NRXN1: variants seen among roughly 807,000 people sequenced by gnomAD.
NRXN1 encodes neurexin-1.
Under a neutral mutation model 150.9 loss-of-function variants are expected in NRXN1, and 39 were observed. The ratio of observed to expected loss-of-function variants is 0.26; its 90% CI spans 0.20 to 0.34. The LOEUF is 0.34. Among genes scored for constraint, NRXN1 ranks in the 10% least tolerant of loss-of-function variants. The pLI, the probability that NRXN1 is intolerant of heterozygous loss-of-function variation, is 1.00. For missense variants in NRXN1, 1,815 were observed against 1,949.9 expected, an observed-to-expected ratio of 0.93 and a Z score of 1.30; for synonymous variants, 924 against 757.0, an observed-to-expected ratio of 1.22 and a Z score of -3.62.
chr2:51,014,252 C>T (rs1445699577), intron 2 of NRXN1, among the ~76,000 whole-genome samples: 3 of 151,882 alleles, frequency 2.0e-5, no homozygotes, highest in Non-Finnish European at 4.4e-5. Context: ...ATAAACAGAG[C>T]GGGGGCTATT....
chr2:50,852,435 T>C (rs1674653570), intron 5 of NRXN1, among the ~76,000 whole-genome samples: 2 of 152,176 alleles, frequency 1.3e-5, no homozygotes, highest in South Asian at 4.1e-4. Flanking sequence ...CAAAAAATAG[T>C]TTTTTAAAGT....
At chr2:50,369,787 T>C (rs2079876737) in intron 17 of NRXN1, among the ~76,000 whole-genome samples, 1 of 151,966 alleles carries the variant, frequency 6.6e-6, no homozygotes, top group South Asian at 2.1e-4. Context: ...CCCATTTCTG[T>C]GAACTCTGAT....
intron 8 of NRXN1, among the ~76,000 whole-genome samples, chr2:50,579,153 G>A (rs758345163): frequency 1.2e-4 from 18 of 152,160 alleles, no homozygotes; most frequent in Non-Finnish European, 2.2e-4. Flanking sequence ...GAAATGAGGC[G>A]TCTTGTTTTG....
intron 18 of NRXN1, among the ~76,000 whole-genome samples, chr2:50,145,612 C>T (rs1188971581): frequency 6.6e-6 from 1 of 151,552 alleles, no homozygotes; most frequent in South Asian, 2.1e-4. Flanking sequence ...GAAGAGATTC[C>T]TTATTTTTTA....
At chr2:50,104,615 C>CT (rs1466399220) in intron 18 of NRXN1, among the ~76,000 whole-genome samples, 1 of 151,994 alleles carries the variant, frequency 6.6e-6, no homozygotes, top group East Asian at 1.9e-4. Context: ...CTTCTAAGCA[C>CT]TTTACAGGCA....
At chr2:50,621,020 G>GA (rs1679916089) in intron 7 of NRXN1, 1 of 522,618 alleles carries the variant, frequency 1.9e-6, no homozygotes, top group South Asian at 3.7e-5. Context: ...AGGTGAGTTG[G>GA]AAAACAGAAG....
chr2:50,954,861 T>G (rs1692012171), intron 2 of NRXN1, among the ~76,000 whole-genome samples: 1 of 152,196 alleles, frequency 6.6e-6, no homozygotes, highest in Non-Finnish European at 1.5e-5. Context: ...GACTTGATGG[T>G]ATCACCAACT....
At chr2:50,946,370 T>C (rs965358555) in intron 2 of NRXN1, among the ~76,000 whole-genome samples, 1 of 152,180 alleles carries the variant, frequency 6.6e-6, no homozygotes, top group Non-Finnish European at 1.5e-5. Context: ...GATGCTAAGA[T>C]GTCCTGCATA....
At chr2:50,295,633 T>C (rs1484571374) in intron 17 of NRXN1, among the ~76,000 whole-genome samples, 1 of 152,238 alleles carries the variant, frequency 6.6e-6, no homozygotes, top group South Asian at 2.1e-4. Context: ...GAATTTTATT[T>C]TATCCTGTCA....
intron 5 of NRXN1, among the ~76,000 whole-genome samples, chr2:50,742,544 G>A (rs1699552260): frequency 6.7e-6 from 1 of 148,374 alleles, no homozygotes; most frequent in African/African-American, 2.5e-5. Flanking sequence ...GGAGGCGGAG[G>A]TTGCAGTGAG....
Position 50,623,708 on chromosome 2 carries a change from A to C in NRXN1, c.833-93T>G, listed in dbSNP as rs7606886. 1.9e-3 allele frequency: 1,546 copies of C among 816,518 alleles called. 2 individuals are homozygous for C. Among genetic ancestry groups the C allele is most frequent in the Non-Finnish European group, 2.4e-3 (1,244 of 520,054 alleles). 50.6% of individuals were successfully genotyped at this position (816,518 alleles called of 1,614,324 possible). On this transcript the variant is annotated intron_variant, in intron 5 of 22. Coordinates refer to ENST00000401669, the MANE Select transcript of NRXN1 (RefSeq NM_001330078.2). ...GAAACAATAGCTAATCACTCCCCAA[A>C]TTAACCTGCTTAATTAGATTTCATG...
chr2:49,951,526 A>G (rs1412554806), intron 21 of NRXN1, among the ~76,000 whole-genome samples: 1 of 151,914 alleles, frequency 6.6e-6, no homozygotes, highest in Admixed American at 6.6e-5. Context: ...TCAGACCTCC[A>G]AAGACTGCTG....
chr2:50,780,058 T>G (rs1309936681), intron 5 of NRXN1, among the ~76,000 whole-genome samples: 4 of 152,218 alleles, frequency 2.6e-5, no homozygotes, highest in Non-Finnish European at 5.9e-5. Flanking sequence ...ATGATCTCCA[T>G]TCTAACTGGC....
intron 5 of NRXN1, among the ~76,000 whole-genome samples, chr2:50,892,847 A>ACT (rs1461560280): frequency 1.3e-5 from 2 of 152,142 alleles, no homozygotes; most frequent in Non-Finnish European, 2.9e-5. Context: ...TCAACAACTT[A>ACT]CTGTTCATCT....
chr2:50,981,843 ATG>A (rs1053795330), intron 2 of NRXN1, among the ~76,000 whole-genome samples: 142 of 142,210 alleles, frequency 1.0e-3, no homozygotes, highest in South Asian at 4.7e-3. Flanking sequence ...GTGTGTGTGT[ATG>A]TGTGTGTGTG....
chr2:49,998,011 G>A (rs550959033), intron 21 of NRXN1, among the ~76,000 whole-genome samples: 4 of 152,280 alleles, frequency 2.6e-5, no homozygotes, highest in African/African-American at 9.6e-5. Flanking sequence ...TGCTAAAAGA[G>A]AGCCAGGTCA....
chr2:50,385,421 A>G (rs2081267239), intron 17 of NRXN1, among the ~76,000 whole-genome samples: 1 of 152,212 alleles, frequency 6.6e-6, no homozygotes, highest in Non-Finnish European at 1.5e-5. Flanking sequence ...GTACTGCCAG[A>G]AAGCATTTGA....
intron 8 of NRXN1, among the ~76,000 whole-genome samples, chr2:50,594,137 A>G (rs1389756142): frequency 6.6e-6 from 1 of 152,154 alleles, no homozygotes; most frequent in Non-Finnish European, 1.5e-5. Context: ...AGTCAATTAA[A>G]CCTCTTTCCT....
At chr2:50,178,829 T>C (rs2152808337) in intron 18 of NRXN1, among the ~76,000 whole-genome samples, 1 of 152,250 alleles carries the variant, frequency 6.6e-6, no homozygotes, top group South Asian at 2.1e-4. Context: ...CCATGTTAGC[T>C]TGTAGCTGCC....
Sources: allele counts gnomAD v4.1 joint callset (sites outside exome capture counted in the v4.1 genomes callset), GRCh38; gene constraint gnomAD v4.1.1; transcripts MANE v1.5; gene names NCBI Gene and HGNC (gene_info 2026-07-23, HGNC 2026-07-21).